The following EPB41L4B variants were observed in gnomAD, a reference collection of about 807,000 sequenced individuals.
The protein encoded by EPB41L4B is band 4.1-like protein 4B.
Under a neutral mutation model 112.5 loss-of-function variants are expected in EPB41L4B, and 30 were observed. The ratio of observed to expected loss-of-function variants is 0.27; its 90% CI spans 0.20 to 0.36. The LOEUF (loss-of-function observed/expected upper bound fraction) is 0.36. EPB41L4B is among the 10% of genes least tolerant of loss of function. EPB41L4B has a pLI of 1.00. For synonymous variants in EPB41L4B, 408 were observed against 439.7 expected (o/e 0.93, Z 0.90); for missense variants, 1,024 against 1,133.3 (o/e 0.90, Z 1.38).
chr9:109,291,959 T>C (rs1836550990), intron 1 of EPB41L4B, among the ~76,000 whole-genome samples: 1 of 152,234 alleles, frequency 6.6e-6, no homozygotes, highest in Admixed American at 6.5e-5. Context: ...GCCAATAAAC[T>C]GTCCTTAGGC....
intron 15 of EPB41L4B, among the ~76,000 whole-genome samples, chr9:109,217,364 A>G (rs991559074): frequency 6.6e-6 from 1 of 152,252 alleles, no homozygotes; most frequent in Non-Finnish European, 1.5e-5. Flanking sequence ...CTTGTAACTT[A>G]AAGAAGTATT....
At chr9:109,251,597 T>A in intron 12 of EPB41L4B, 86 bp from the exon 13 acceptor site, 1 of 1,230,450 alleles carries the variant, frequency 8.1e-7, no homozygotes, top group South Asian at 1.2e-5. Flanking sequence ...CATGCGAGAC[T>A]TCTACCATCA....
intron 6 of EPB41L4B, among the ~76,000 whole-genome samples, chr9:109,262,464 T>TGTGTGG (rs1247848071): frequency 6.6e-6 from 1 of 151,532 alleles, no homozygotes; most frequent in Non-Finnish European, 1.5e-5. Context: ...TGTGTGTGTG[T>TGTGTGG]GTGTGTGTGT....
chr9:109,262,368 T>C (rs1490542287), intron 6 of EPB41L4B, among the ~76,000 whole-genome samples: 1 of 152,074 alleles, frequency 6.6e-6, no homozygotes, highest in Non-Finnish European at 1.5e-5. Flanking sequence ...CTGAGAATCA[T>C]CTCAAACTCC....
chr9:109,185,550 G>C lies in EPB41L4B; in HGVS notation c.2357C>G (p.Ser786Cys). 8 of 1,613,220 alleles carry C rather than the reference G, an allele frequency of 5.0e-6. No homozygotes were observed. The highest frequency in any genetic ancestry group is 6.8e-6 in the Non-Finnish European group (8 of 1,179,544). Residue 786 changes from serine to cysteine, a missense_variant, in exon 23 of 26, where the codon TCT becomes TGT. Ser to Cys is a moderately radical substitution (Grantham distance 112). Coordinates refer to ENST00000374566, the MANE Select transcript of EPB41L4B (RefSeq NM_019114.5). ...CAHSRCSPPL[S>C]LPMKEETTGV... The stretch of plus-strand genomic sequence containing the variant: ...AGTGGTCTCTTCCTTCATGGGGAGA[G>C]AGAGTGGAGGAGAACAGCGAGAGTG...
At chr9:109,230,857 T>G (rs1833930311) in intron 15 of EPB41L4B, among the ~76,000 whole-genome samples, 1 of 152,112 alleles carries the variant, frequency 6.6e-6, no homozygotes, top group South Asian at 2.1e-4. Context: ...CATCTTTCTT[T>G]TCAGAAAAGG....
intron 17 of EPB41L4B, among the ~76,000 whole-genome samples, chr9:109,211,240 G>C (rs1210699107): frequency 6.6e-6 from 1 of 152,034 alleles, no homozygotes; most frequent in African/African-American, 2.4e-5. Flanking sequence ...GATCAGAAGT[G>C]AGAAGGGAGA....
At chr9:109,309,127 G>A (rs981276056) in intron 1 of EPB41L4B, among the ~76,000 whole-genome samples, 2 of 152,056 alleles carry the variant, frequency 1.3e-5, no homozygotes, top group Non-Finnish European at 2.9e-5. Flanking sequence ...TCAGGAAAGG[G>A]CAGTAGGGAG....
intron 1 of EPB41L4B, among the ~76,000 whole-genome samples, chr9:109,282,284 G>A (rs963898368): frequency 4.6e-5 from 7 of 152,154 alleles, no homozygotes; most frequent in Admixed American, 3.9e-4. Flanking sequence ...ATTTGTAGGG[G>A]GCAGGGGGAT....
At chr9:109,228,008 G>A (rs991350495) in intron 15 of EPB41L4B, among the ~76,000 whole-genome samples, 17 of 152,196 alleles carry the variant, frequency 1.1e-4, no homozygotes, top group Non-Finnish European at 2.2e-4. Flanking sequence ...AGAGAATCAC[G>A]TGAATTTTGT....
At chr9:109,184,488 G>A (rs1832182780) in intron 23 of EPB41L4B, among the ~76,000 whole-genome samples, 1 of 152,216 alleles carries the variant, frequency 6.6e-6, no homozygotes, top group African/African-American at 2.4e-5. Flanking sequence ...CAAAGTGCTG[G>A]GATTACAGGC....
intron 1 of EPB41L4B, among the ~76,000 whole-genome samples, chr9:109,304,866 G>T (rs938809641): frequency 6.6e-6 from 1 of 152,120 alleles, no homozygotes; most frequent in Admixed American, 6.5e-5. Flanking sequence ...ACAGATTAGC[G>T]GCTGTCGGGG....
At chr9:109,306,461 A>C (rs1460955642) in intron 1 of EPB41L4B, among the ~76,000 whole-genome samples, 1 of 152,194 alleles carries the variant, frequency 6.6e-6, no homozygotes, top group African/African-American at 2.4e-5. Context: ...TAAAAATACA[A>C]AAATTAGCCA....
intron 20 of EPB41L4B, among the ~76,000 whole-genome samples, chr9:109,198,311 A>G (rs990073447): frequency 6.6e-6 from 1 of 152,198 alleles, no homozygotes; most frequent in African/African-American, 2.4e-5. Context: ...CCTAGAGAAG[A>G]AAGAAAGGGG....
chr9:109,292,002 A>G (rs1041025358), intron 1 of EPB41L4B, among the ~76,000 whole-genome samples: 1 of 152,212 alleles, frequency 6.6e-6, no homozygotes, highest in African/African-American at 2.4e-5. Flanking sequence ...AGAGATTCAA[A>G]GCGCTCATTT....
rs559634648 is a variant in EPB41L4B, at chr9:109,253,305, T to C, written c.1279+136A>G. 1.4e-4 allele frequency: 89 copies of C among 645,796 alleles called. 1 individual carries two copies. In the South Asian group the frequency reaches 1.7e-3, roughly 12 times the overall value. 40.0% of individuals were successfully genotyped at this position (645,796 alleles called of 1,614,324 possible). ...CCAGGTCCCGTTAAAAGAACACCAC[T>C]GGGATTATTTTTCCAAAAGCTCCAG... On this transcript the variant is annotated intron_variant, in intron 12 of 25. Coordinates refer to ENST00000374566, the MANE Select transcript of EPB41L4B (RefSeq NM_019114.5).
intron 18 of EPB41L4B, among the ~76,000 whole-genome samples, chr9:109,207,297 C>A (rs1005690385): frequency 6.6e-6 from 1 of 152,132 alleles, no homozygotes; most frequent in Non-Finnish European, 1.5e-5. Context: ...CAGGCTGGCA[C>A]AATGGCTCAT....
chr9:109,259,310 T>A (rs550876342), intron 6 of EPB41L4B, among the ~76,000 whole-genome samples: 2 of 152,232 alleles, frequency 1.3e-5, no homozygotes, highest in Non-Finnish European at 2.9e-5. Context: ...AATCACCTGG[T>A]GAGCTGGTTA....
At chr9:109,298,078 TCTTGCAGGAAGAAGGC>T (rs535624363) in intron 1 of EPB41L4B, among the ~76,000 whole-genome samples, 290 of 152,162 alleles carry the variant, frequency 1.9e-3, no homozygotes, top group Non-Finnish European at 2.5e-3. Context: ...AGTCACTGCC[TCTTGCAGGAAGAAGGC>T]AGAGAATGAC....
Sources: allele counts gnomAD v4.1 joint callset (sites outside exome capture counted in the v4.1 genomes callset), GRCh38; gene constraint gnomAD v4.1.1; transcripts MANE v1.5; gene names NCBI Gene and HGNC (gene_info 2026-07-23, HGNC 2026-07-21).